ANKRD36C: variants seen among roughly 807,000 people sequenced by gnomAD.
ANKRD36C encodes ankyrin repeat domain 36C.
A neutral mutation model predicts 276.4 loss-of-function variants in ANKRD36C; 61 were observed. That is an observed-to-expected ratio of 0.22 (90% CI 0.18 to 0.27). The LOEUF (loss-of-function observed/expected upper bound fraction) is 0.27. Among genes scored for constraint, ANKRD36C ranks in the 10% least tolerant of loss-of-function variants. ANKRD36C has a pLI of 1.00. For synonymous variants in ANKRD36C, 483 were observed against 680.1 expected, an observed-to-expected ratio of 0.71 and a Z score of 4.51; for missense variants, 1,447 against 2,032.3, an observed-to-expected ratio of 0.71 and a Z score of 5.54.
Position 95,910,463 on chromosome 2 carries a change from C to G in ANKRD36C, c.2653+1781G>C, listed in dbSNP as rs138068429. The G allele has an allele frequency of 1.3e-6, 2 of 1,583,866 alleles. No homozygotes were observed. The highest frequency in any genetic ancestry group is 1.4e-5 in the African/African-American group (1 of 73,564). On this transcript the variant is annotated intron_variant, in intron 42 of 66. Transcript: ENST00000456556. The stretch of plus-strand genomic sequence containing the variant: ...CTTGTAGCCTGAATAGAATTTGAAA[C>G]GAAATAATAAATAAATAAAGTATGT...
chr2:95,867,345 T>G, intron 60 of ANKRD36C, 95 bp downstream of exon 80: 1 of 599,680 alleles, frequency 1.7e-6, no homozygotes, highest in South Asian at 2.0e-5. Context: ...AACATTCTTG[T>G]AACATATCAG....
At chr2:95,858,790 T>A (rs1465173947) in intron 61 of ANKRD36C, among the ~76,000 whole-genome samples, 1 of 152,202 alleles carries the variant, frequency 6.6e-6, no homozygotes, top group East Asian at 1.9e-4. Context: ...TTTTTAAGAT[T>A]GTTTTTTGGG....
chr2:95,935,053 G>A (rs1238305651), intron 24 of ANKRD36C, among the ~76,000 whole-genome samples: 4 of 152,244 alleles, frequency 2.6e-5, no homozygotes, highest in South Asian at 2.1e-4. Flanking sequence ...TGACAACACC[G>A]ACATAAAGAA....
intron 59 of ANKRD36C, among the ~76,000 whole-genome samples, chr2:95,873,433 T>C (rs1220937595): frequency 6.6e-6 from 1 of 152,230 alleles, no homozygotes; most frequent in African/African-American, 2.4e-5. Context: ...ATTATCTCAA[T>C]AGATGCAGAA....
exon 46 of ANKRD36C, chr2:95,891,689 T>C (rs779694232): frequency 4.1e-5 from 64 of 1,572,534 alleles, no homozygotes; most frequent in Non-Finnish European, 4.2e-5. Context: ...TCTCCATGCT[T>C]TTTTCCTCTG....
rs1277939606 is a variant in ANKRD36C, at chr2:95,889,994, A to T, written c.2858T>A (p.Val953Glu). The change falls in exon 47 of 67, where the codon GTG (valine) becomes GAG (glutamate). Residue 953 changes from valine to glutamate, a missense_variant and splice_region_variant. By Grantham distance (121) the Val-to-Glu change is moderately radical (BLOSUM62 -2). Transcript: ENST00000456556. ...CAAGGCTGGTTGTTTATGAGAAGAC[A>T]CTGAAAAGCAAAAAGGATACATAAT... 5 of 1,609,140 alleles carry T rather than the reference A, an allele frequency of 3.1e-6. No homozygotes were observed. The African/African-American group carries it at 6.7e-5, about 22-fold the overall frequency.
At chr2:95,917,636 C>A (rs1165527309) in intron 36 of ANKRD36C, among the ~76,000 whole-genome samples, 1 of 151,482 alleles carries the variant, frequency 6.6e-6, no homozygotes, top group Admixed American at 6.6e-5. Context: ...CCAATTTCAA[C>A]GTGGGGAAGT....
rs575005785 is a variant in ANKRD36C at position 95,853,681 on chromosome 2, T to C, written c.5148+28A>G. 1.4e-5 allele frequency: 22 copies of C among 1,559,870 alleles called. No individual in the cohort carries two copies. The East Asian group carries it at 5.2e-4, about 37-fold the overall frequency. ...TAGTTAACTAGCTACAGATTAACAGTTGTTGGTGTGCAAAGTTGCATACAT... is the reference window on the plus strand; with the variant it reads ...TAGTTAACTAGCTACAGATTAACAGCTGTTGGTGTGCAAAGTTGCATACAT... On this transcript the variant is annotated intron_variant, in intron 64 of 66. Coordinates refer to ENST00000456556, the Ensembl canonical transcript of ANKRD36C.
At chr2:95,943,047 GTTC>G (rs1677937694) in intron 19 of ANKRD36C, among the ~76,000 whole-genome samples, 1 of 152,426 alleles carries the variant, frequency 6.6e-6, no homozygotes, top group African/African-American at 2.4e-5. Context: ...TCACATGTAT[GTTC>G]TTAAGTACAG....
chr2:95,890,319 C>A (rs1268315846), intron 46 of ANKRD36C, among the ~76,000 whole-genome samples: 1 of 151,500 alleles, frequency 6.6e-6, no homozygotes. Flanking sequence ...AATTCATACA[C>A]CTGAGAATCA....
chr2:95,902,505 C>A (rs1676683305), intron 42 of ANKRD36C, among the ~76,000 whole-genome samples: 1 of 150,558 alleles, frequency 6.6e-6, no homozygotes, highest in African/African-American at 2.4e-5. Flanking sequence ...GTTGTTACAA[C>A]AAGCTTTCTA....
At chr2:95,930,802 C>G (rs79026132) in intron 24 of ANKRD36C, among the ~76,000 whole-genome samples, 1 of 150,074 alleles carries the variant, frequency 6.7e-6, no homozygotes. Context: ...AAATAACTAC[C>G]TCAGCAAACA....
chr2:95,883,922 T>C (rs1054406658), intron 54 of ANKRD36C, among the ~76,000 whole-genome samples: 1 of 152,022 alleles, frequency 6.6e-6, no homozygotes, highest in African/African-American at 2.4e-5. Context: ...CCTGAGCCCC[T>C]TGTGTCTTGA....
intron 54 of ANKRD36C, 47 bp downstream of exon 74, chr2:95,884,126 T>C: frequency 6.4e-7 from 1 of 1,562,304 alleles, no homozygotes; most frequent in Non-Finnish European, 8.7e-7. Flanking sequence ...GAGAAGTTCT[T>C]TTCTATCTGG....
At chr2:95,961,600 G>T (rs1464697506) in intron 8 of ANKRD36C, among the ~76,000 whole-genome samples, 1 of 152,092 alleles carries the variant, frequency 6.6e-6, no homozygotes, top group Non-Finnish European at 1.5e-5. Flanking sequence ...TTAGTTCCTT[G>T]AAAAACAAAG....
At chr2:95,854,899 C>T (rs1179316895) in intron 63 of ANKRD36C, among the ~76,000 whole-genome samples, 43 of 151,930 alleles carry the variant, frequency 2.8e-4, no homozygotes, top group Admixed American at 5.2e-4. Flanking sequence ...TTAATTGAAT[C>T]AATTTCAAAA....
chr2:95,850,415 C>A (rs199843050), downstream of ANKRD36C, among the ~76,000 whole-genome samples: 2 of 152,116 alleles, frequency 1.3e-5, no homozygotes, highest in Non-Finnish European at 2.9e-5. Flanking sequence ...AGGTTTGTGT[C>A]AATATTGTAG....
chr2:95,894,588 T>C (rs1676480999), intron 44 of ANKRD36C, among the ~76,000 whole-genome samples: 1 of 151,348 alleles, frequency 6.6e-6, no homozygotes, highest in African/African-American at 2.4e-5. Context: ...TTGTTGGGAG[T>C]ATCATGTTAT....
intron 42 of ANKRD36C, 80 bp from the exon 47 acceptor site, chr2:95,908,777 A>T (rs574649573): frequency 2.0e-6 from 3 of 1,527,918 alleles, no homozygotes; most frequent in African/African-American, 2.8e-5. Context: ...TGTTAGCATC[A>T]ACCTCTGTCC....
Sources: gnomAD v4.1 joint callset for allele counts (sites outside exome capture counted in the v4.1 genomes callset) on GRCh38, gnomAD v4.1.1 for gene constraint, MANE v1.5 for transcripts, NCBI Gene and HGNC (gene_info 2026-07-23, HGNC 2026-07-21) for gene names.